The following PGLYRP3 variants were observed in gnomAD, a reference collection of about 807,000 sequenced individuals.
PGLYRP3 encodes peptidoglycan recognition protein 3, also known as peptidoglycan recognition protein I alpha.
PGLYRP3 carries 39 observed loss-of-function variants against 36.0 expected under a neutral mutation model. That is an observed-to-expected ratio of 1.08 (90% confidence interval 0.84 to 1.41). The LOEUF is 1.41. Ranked by LOEUF, PGLYRP3 falls within the 40% of genes most tolerant of loss-of-function variation. The pLI is 0.00. For missense variants in PGLYRP3, 407 were observed against 427.9 expected (o/e 0.95, Z 0.43); for synonymous variants, 204 against 172.8 (o/e 1.18, Z -1.42).
chr1:153,298,724 G>A (rs1050835425), intron 7 of PGLYRP3, among the ~76,000 whole-genome samples: 11 of 152,142 alleles, frequency 7.2e-5, no homozygotes, highest in Non-Finnish European at 2.9e-5. Flanking sequence ...GTATAAAGCA[G>A]ATACAGCACC....
chr1:153,298,450 C>T (rs761170633), intron 7 of PGLYRP3, among the ~76,000 whole-genome samples: 16 of 151,948 alleles, frequency 1.1e-4, no homozygotes, highest in Non-Finnish European at 2.2e-4. Flanking sequence ...ATTAAGAGAT[C>T]GAGATCACCC....
chr1:153,309,131 T>C (rs1384802545), intron 2 of PGLYRP3, among the ~76,000 whole-genome samples: 1 of 152,188 alleles, frequency 6.6e-6, no homozygotes, highest in East Asian at 1.9e-4. Flanking sequence ...AGCCTGTCCT[T>C]ATCCCCCATT....
intron 6 of PGLYRP3, among the ~76,000 whole-genome samples, chr1:153,302,191 C>T (rs1271897689): frequency 1.3e-5 from 2 of 152,192 alleles, no homozygotes; most frequent in Admixed American, 1.3e-4. Flanking sequence ...TTTTCAGAAT[C>T]TTCCCAACCA....
At chr1:153,298,748 C>G (rs1659510317) in intron 7 of PGLYRP3, among the ~76,000 whole-genome samples, 1 of 152,226 alleles carries the variant, frequency 6.6e-6, no homozygotes, top group Non-Finnish European at 1.5e-5. Context: ...GGGCCGCCCA[C>G]TGGTTTTCCA....
At chr1:153,299,034 CCT>C in intron 7 of PGLYRP3, 77 bp downstream of exon 7, 1 of 1,197,438 alleles carries the variant, frequency 8.4e-7, no homozygotes, top group Non-Finnish European at 1.2e-6. Context: ...TACAGGGCTG[CCT>C]TTCCCGCCAT....
In PGLYRP3 at chr1:153,312,602, T is replaced by TACACACACAC. The variant is rs3840431; in HGVS notation, c.-42+31_-42+40dup. ...TGCTGAATGAAGACTTCTAAAGAAA[T>TACACACACAC]ACACACACACACACACACACACACT... is the stretch of plus-strand genomic sequence containing the variant. On this transcript the variant is annotated intron_variant, in intron 1 of 7. Transcript: ENST00000683862. Among the ~76,000 whole-genome samples, 518 of 150,098 alleles carry TACACACACAC rather than the reference T, an allele frequency of 3.5e-3. 3 individuals are homozygous for TACACACACAC. Among genetic ancestry groups the TACACACACAC allele is most frequent in the African/African-American group, 6.4e-3 (262 of 40,908 alleles).
rs1441115760 is a variant in PGLYRP3, at chr1:153,312,623, A to T, written c.-42+20T>A. 1.3e-5 allele frequency among the ~76,000 whole-genome samples: 2 copies of T among 151,966 alleles called. No individual in the cohort carries two copies. Reference sequence around the variant, plus strand: ...GAAATACACACACACACACACACACACACTCAAACTCACAGATACCTGTGG... The same window carrying T: ...GAAATACACACACACACACACACACTCACTCAAACTCACAGATACCTGTGG... On this transcript the variant is annotated intron_variant, in intron 1 of 7. Transcript: ENST00000683862.
rs201517519 is a variant in PGLYRP3, at chr1:153,307,139, C to T, written c.184G>A (p.Val62Ile). Residue 62 changes from valine to isoleucine, a missense_variant, in exon 3 of 8, where the codon GTT becomes ATT. Physicochemically the swap from Val to Ile is conservative, Grantham distance 29. Transcript: ENST00000683862. ...AACCCCCGCAGCATCTGGCTGCAAA[C>T]GCTCTGCTGCTGGCACTGCATCCCT... The part of the protein sequence containing the change: ...LPGMQCQQQS[V>I]CSQMLRGLQS... 443 of 1,612,844 alleles carry T rather than the reference C, an allele frequency of 2.7e-4. No individual in the cohort carries two copies. The highest frequency in any genetic ancestry group is 2.5e-3 in the East Asian group (112 of 44,844).
At chr1:153,310,788 C>T in intron 1 of PGLYRP3, 82 bp from the exon 2 acceptor site, 2 of 877,934 alleles carry the variant, frequency 2.3e-6, no homozygotes, top group Non-Finnish European at 3.6e-6. Flanking sequence ...CCACTGTCTG[C>T]CTCCCCTACC....
Position 153,298,060 on chromosome 1 carries a change from T to G in PGLYRP3, c.922A>C (p.Thr308Pro). The change falls in exon 8 of 8, where the codon ACT becomes CCT. Residue 308 changes from threonine (T) to proline (P), a missense_variant. Thr to Pro is a conservative substitution (Grantham distance 38). Transcript: ENST00000683862. Reference sequence around the variant, plus strand: ...TGGCCCATCAGCAGGTAGTTTGGAGTCAGGTACCCCTCAACCACGGCACAC... The same window carrying G: ...TGGCCCATCAGCAGGTAGTTTGGAGGCAGGTACCCCTCAACCACGGCACAC... The part of the protein sequence containing the change: ...IQCAVVEGYL[T>P]PNYLLMGHSD... 6 of 1,613,860 alleles carry G rather than the reference T, an allele frequency of 3.7e-6. No individual in the cohort carries two copies. Among genetic ancestry groups the G allele is most frequent in the Non-Finnish European group, 2.5e-6 (3 of 1,179,948 alleles).
chr1:153,299,379 GAAAAC>G (rs979120389), intron 6 of PGLYRP3, 148 bp from the exon 7 acceptor site: 11 of 682,248 alleles, frequency 1.6e-5, no homozygotes, highest in Admixed American at 5.1e-5. Context: ...GACAAGGACA[GAAAAC>G]AAAACAAAAC....
At chr1:153,306,156 C>G (rs1247597522) in intron 3 of PGLYRP3, among the ~76,000 whole-genome samples, 3 of 151,992 alleles carry the variant, frequency 2.0e-5, no homozygotes, top group Admixed American at 2.0e-4. Flanking sequence ...TGCTGGGGGC[C>G]AAAACCAGGG....
intron 5 of PGLYRP3, among the ~76,000 whole-genome samples, 172 bp downstream of exon 5, chr1:153,303,685 G>A (rs1299891125): frequency 1.3e-5 from 2 of 152,220 alleles, no homozygotes; most frequent in Non-Finnish European, 2.9e-5. Context: ...ATGGGATGGA[G>A]AGGAGGCCAG....
At chr1:153,312,286 T>G (rs1659912256) in intron 1 of PGLYRP3, among the ~76,000 whole-genome samples, 1 of 152,194 alleles carries the variant, frequency 6.6e-6, no homozygotes, top group African/African-American at 2.4e-5. Context: ...TTTACCACCT[T>G]GGCTCACATT....
intron 6 of PGLYRP3, 67 bp from the exon 7 acceptor site, chr1:153,299,298 C>T: frequency 9.2e-7 from 1 of 1,086,876 alleles, no homozygotes; most frequent in Non-Finnish European, 1.4e-6. Flanking sequence ...TTCATTCACT[C>T]CTTCAACCAC....
At chr1:153,308,000 C>CTTT (rs34266664) in intron 2 of PGLYRP3, among the ~76,000 whole-genome samples, 215 of 145,282 alleles carry the variant, frequency 1.5e-3, no homozygotes, top group South Asian at 2.6e-3. Flanking sequence ...TTCTCTCTCT[C>CTTT]TTTTTTTTTT....
rs1374939042 is a variant in PGLYRP3, at chr1:153,304,024, C to G, written c.377-15G>C. 6.2e-7 allele frequency: 1 copy of G among 1,601,096 alleles called. No individual in the cohort carries two copies. Among genetic ancestry groups the G allele is most frequent in the African/African-American group, 1.3e-5 (1 of 74,390 alleles). ...GGGACTGCTGCCTTAAAGAGGAGGA[C>G]AGGGAGCACAAAAATGTCAGTAAGA... On this transcript the variant is annotated splice_polypyrimidine_tract_variant and intron_variant, in intron 4 of 7. Transcript: ENST00000683862.
intron 5 of PGLYRP3, among the ~76,000 whole-genome samples, chr1:153,303,370 G>A (rs1013795354): frequency 6.6e-6 from 1 of 152,142 alleles, no homozygotes; most frequent in African/African-American, 2.4e-5. Flanking sequence ...TATGTCCTTC[G>A]TGTCCCCACA....
chr1:153,304,131 G>A, intron 4 of PGLYRP3, 122 bp from the exon 5 acceptor site: 1 of 936,800 alleles, frequency 1.1e-6, no homozygotes, highest in Non-Finnish European at 1.5e-6. Context: ...AGAGGAAACT[G>A]GTCCAGTTGC....
Sources: allele counts gnomAD v4.1 joint callset (sites outside exome capture counted in the v4.1 genomes callset), GRCh38; gene constraint gnomAD v4.1.1; transcripts MANE v1.5; gene names NCBI Gene and HGNC (gene_info 2026-07-23, HGNC 2026-07-21).